Variants in TNNI3K observed in about 807,000 individuals in gnomAD.
TNNI3K encodes TNNI3 interacting kinase, also known as serine/threonine-protein kinase TNNI3K.
In TNNI3K, 140 loss-of-function variants were observed where a neutral mutation model predicts 114.5. The observed-to-expected ratio is 1.22, with a 90% CI of 1.07 to 1.41. The LOEUF (loss-of-function observed/expected upper bound fraction) is 1.41. Among genes scored for constraint, TNNI3K ranks in the 40% most tolerant of loss-of-function variants. TNNI3K has a pLI of 0.00. For missense variants in TNNI3K, 1,125 were observed against 1,007.6 expected (o/e 1.12, Z -1.58); for synonymous variants, 347 against 347.5 (o/e 1.00, Z 0.02).
chr1:74,493,131 A>T (rs1274016571), intron 23 of TNNI3K, among the ~76,000 whole-genome samples: 1 of 152,156 alleles, frequency 6.6e-6, no homozygotes, highest in African/African-American at 2.4e-5. Flanking sequence ...GAATTTGAGG[A>T]GGGTCACACT....
At chr1:74,495,027 A>G (rs781780302) in intron 23 of TNNI3K, among the ~76,000 whole-genome samples, 15 of 152,166 alleles carry the variant, frequency 9.9e-5, no homozygotes, top group African/African-American at 3.1e-4. Flanking sequence ...TACCACTACT[A>G]ATTTTTCAAA....
chr1:74,427,687 G>A (rs2100647968), intron 17 of TNNI3K, among the ~76,000 whole-genome samples: 1 of 152,122 alleles, frequency 6.6e-6, no homozygotes, highest in South Asian at 2.1e-4. Flanking sequence ...CGTCACTTCA[G>A]CATTCAAAAA....
rs557021360 is a variant in TNNI3K, at chr1:74,319,775, G to A, written c.445-11675G>A. Among the ~76,000 whole-genome samples the A allele has an allele frequency of 5.9e-5, 9 of 152,284 alleles. No homozygotes were observed. The South Asian group carries it at 1.5e-3, about 25-fold the overall frequency. ...GCAGGGAACAAGAAACGGGTGCTGGGTTATGCCCCCTACTATTAGGTGCCA... is the reference window on the plus strand; with the variant it reads ...GCAGGGAACAAGAAACGGGTGCTGGATTATGCCCCCTACTATTAGGTGCCA... On this transcript the variant is annotated intron_variant, in intron 5 of 24. Transcript: ENST00000326637.
At chr1:74,487,188 A>G (rs1557600135) in intron 21 of TNNI3K, among the ~76,000 whole-genome samples, 1 of 152,162 alleles carries the variant, frequency 6.6e-6, no homozygotes, top group Non-Finnish European at 1.5e-5. Context: ...ATTAAACAAT[A>G]CAGAAGGAAC....
chr1:74,360,015 C>T (rs577185779), intron 11 of TNNI3K, among the ~76,000 whole-genome samples: 2 of 152,066 alleles, frequency 1.3e-5, no homozygotes, highest in East Asian at 3.9e-4. Flanking sequence ...CTCAACTTCT[C>T]CTCCCACCAC....
intron 2 of TNNI3K, among the ~76,000 whole-genome samples, chr1:74,248,190 C>T (rs1401804672): frequency 6.6e-6 from 1 of 152,142 alleles, no homozygotes; most frequent in Admixed American, 6.5e-5. Context: ...TGGCACCAGC[C>T]TGCGGCGCAG....
intron 5 of TNNI3K, among the ~76,000 whole-genome samples, chr1:74,289,461 GA>G (rs1657536710): frequency 6.6e-6 from 1 of 151,808 alleles, no homozygotes. Flanking sequence ...CTACAAAAAA[GA>G]AGTCGAACTC....
intron 20 of TNNI3K, among the ~76,000 whole-genome samples, chr1:74,456,321 G>T (rs1484015608): frequency 4.6e-5 from 7 of 152,112 alleles, no homozygotes; most frequent in Non-Finnish European, 8.8e-5. Context: ...GCAGATTTAT[G>T]AGGGAAATTA....
At chr1:74,415,953 TGAG>T (rs1665097353) in intron 17 of TNNI3K, among the ~76,000 whole-genome samples, 1 of 152,136 alleles carries the variant, frequency 6.6e-6, no homozygotes, top group African/African-American at 2.4e-5. Flanking sequence ...ATAATTGTCA[TGAG>T]GAGTTTTGTG....
intron 21 of TNNI3K, 83 bp downstream of exon 21, chr1:74,463,633 G>C: frequency 4.7e-6 from 7 of 1,500,432 alleles, no homozygotes; most frequent in Non-Finnish European, 6.5e-6. Flanking sequence ...TCTACTTTCA[G>C]TGTGTATTTT....
chr1:74,428,469 T>C (rs1020062773), intron 17 of TNNI3K, among the ~76,000 whole-genome samples: 1 of 152,104 alleles, frequency 6.6e-6, no homozygotes, highest in Non-Finnish European at 1.5e-5. Flanking sequence ...AATGGGGAAG[T>C]CTACATTTGA....
At position 74,303,511 on chromosome 1, in the gene TNNI3K, G is replaced by GA. The variant is rs932512051; in HGVS notation, c.445-27931dup. Among the ~76,000 whole-genome samples the GA allele has an allele frequency of 6.6e-5, 10 of 151,760 alleles. No individual in the cohort carries two copies. The East Asian group carries it at 1.9e-3, about 29-fold the overall frequency. On this transcript the variant is annotated intron_variant, in intron 5 of 24. Coordinates refer to ENST00000326637, the MANE Select transcript of TNNI3K (RefSeq NM_015978.3). ...CCACTGTTGAGACCCACTACTCAGG[G>GA]AAAAAAAATTCAATTCAAAATATTA...
intron 2 of TNNI3K, among the ~76,000 whole-genome samples, chr1:74,242,935 C>G (rs909620258): frequency 6.6e-6 from 1 of 152,046 alleles, no homozygotes. Flanking sequence ...TTCTCTCCCC[C>G]TTACCCTTCA....
chr1:74,368,054 A>G, intron 13 of TNNI3K, 90 bp downstream of exon 13: 1 of 1,228,860 alleles, frequency 8.1e-7, no homozygotes, highest in East Asian at 2.7e-5. Context: ...TACATATTAC[A>G]AATGATGACT....
chr1:74,250,831 C>CTT (rs11437074), intron 4 of TNNI3K, 62 bp downstream of exon 4: 10,885 of 957,172 alleles, frequency 0.011, 1 homozygote, highest in South Asian at 0.016. Flanking sequence ...TATCTTTAGG[C>CTT]TTTTTTTTTT....
chr1:74,401,766 C>G, intron 17 of TNNI3K: 1 of 424,460 alleles, frequency 2.4e-6, no homozygotes, highest in Non-Finnish European at 4.7e-6. Context: ...TAAATTCAAA[C>G]CATAAAATTG....
intron 22 of TNNI3K, among the ~76,000 whole-genome samples, chr1:74,490,288 G>T (rs1037220846): frequency 6.6e-6 from 1 of 152,250 alleles, no homozygotes; most frequent in Middle Eastern, 3.4e-3. Context: ...TCATATATTT[G>T]GTGGGGCTTC....
intron 11 of TNNI3K, among the ~76,000 whole-genome samples, chr1:74,366,994 A>C (rs1455760754): frequency 6.6e-6 from 1 of 152,002 alleles, no homozygotes; most frequent in Non-Finnish European, 1.5e-5. Flanking sequence ...AAGCTTCTTA[A>C]GGGTAAGACC....
At chr1:74,305,861 C>T (rs1409797720) in intron 5 of TNNI3K, among the ~76,000 whole-genome samples, 1 of 151,368 alleles carries the variant, frequency 6.6e-6, no homozygotes, top group South Asian at 2.1e-4. Context: ...GGAACCAAAG[C>T]TTATTCTTTC....
Sources: allele counts gnomAD v4.1 joint callset (sites outside exome capture counted in the v4.1 genomes callset), GRCh38; gene constraint gnomAD v4.1.1; transcripts MANE v1.5; gene names NCBI Gene and HGNC (gene_info 2026-07-23, HGNC 2026-07-21).